GPATCH2L: variants seen among roughly 807,000 people sequenced by gnomAD.
GPATCH2L encodes G patch domain-containing protein 2-like.
In GPATCH2L, 31 loss-of-function variants were observed where a neutral mutation model predicts 57.4. The observed-to-expected ratio is 0.54, with a 90% CI of 0.41 to 0.73. The LOEUF (loss-of-function observed/expected upper bound fraction) is 0.73. GPATCH2L is among the 30% of genes least tolerant of loss of function. The pLI is 0.00. For synonymous variants in GPATCH2L, 199 were observed against 210.7 expected, an observed-to-expected ratio of 0.94 and a Z score of 0.48; for missense variants, 481 against 599.9, an observed-to-expected ratio of 0.80 and a Z score of 2.07.
At chr14:76,194,768 T>C (rs1199991441) in intron 8 of GPATCH2L, among the ~76,000 whole-genome samples, 1 of 152,178 alleles carries the variant, frequency 6.6e-6, no homozygotes, top group East Asian at 1.9e-4. Context: ...TGGTAAAATG[T>C]ACATAATATA....
intron 4 of GPATCH2L, 85 bp from the exon 5 acceptor site, chr14:76,173,461 G>A (rs1460646104): frequency 1.8e-5 from 14 of 775,232 alleles, no homozygotes; most frequent in Non-Finnish European, 3.0e-5. Flanking sequence ...AAGATCCTGG[G>A]GGTAAAGCCT....
chr14:76,224,979 G>T (rs1478125784), intron 1 of GPATCH2L, among the ~76,000 whole-genome samples: 1 of 152,038 alleles, frequency 6.6e-6, no homozygotes, highest in East Asian at 1.9e-4. Flanking sequence ...AAATAAAGAA[G>T]GTCTAAATAA....
chr14:76,196,072 G>A, intron 9 of GPATCH2L, 100 bp downstream of exon 9: 1 of 918,222 alleles, frequency 1.1e-6, no homozygotes, highest in Non-Finnish European at 1.8e-6. Context: ...TGATAGTGTA[G>A]GTCATTTTAT....
At chr14:76,166,545 A>G (rs2038847712) in intron 2 of GPATCH2L, 118 bp from the exon 3 acceptor site, 2 of 605,826 alleles carry the variant, frequency 3.3e-6, no homozygotes, top group African/African-American at 1.8e-5. Flanking sequence ...AAATTTACAT[A>G]TCTGATTGAC....
intron 7 of GPATCH2L, among the ~76,000 whole-genome samples, chr14:76,180,261 C>G (rs1195603513): frequency 2.6e-5 from 4 of 152,068 alleles, no homozygotes; most frequent in Non-Finnish European, 5.9e-5. Flanking sequence ...ATTTTTAACA[C>G]CCAGTATCTC....
chr14:76,198,373 C>T (rs565689677), intron 9 of GPATCH2L, among the ~76,000 whole-genome samples: 1 of 152,146 alleles, frequency 6.6e-6, no homozygotes, highest in Non-Finnish European at 1.5e-5. Context: ...TTATCTTCTC[C>T]AAAATTTGAG....
Position 76,155,978 on chromosome 14 carries a change from G to A in GPATCH2L, c.662+953G>A, listed in dbSNP as rs559316504. Among the ~76,000 whole-genome samples the A allele has an allele frequency of 2.6e-5, 4 of 152,246 alleles. No individual in the cohort carries two copies. In the East Asian group the frequency reaches 5.8e-4, roughly 22 times the overall value. ...ATTCTATTATTGTTAATATTAGTTGGCATTTATTAAGCACTCAACTATGGG... is the reference window on the plus strand; with the variant it reads ...ATTCTATTATTGTTAATATTAGTTGACATTTATTAAGCACTCAACTATGGG... On this transcript the variant is annotated intron_variant, in intron 2 of 9. Transcript: ENST00000261530.
At chr14:76,167,566 G>A (rs1051664640) in intron 3 of GPATCH2L, among the ~76,000 whole-genome samples, 4 of 152,154 alleles carry the variant, frequency 2.6e-5, no homozygotes, top group Admixed American at 6.5e-5. Context: ...GTGAGACTTA[G>A]CATCCAAGTC....
intron 1 of GPATCH2L, among the ~76,000 whole-genome samples, chr14:76,227,422 AG>A (rs1389461598): frequency 6.6e-6 from 1 of 152,252 alleles, no homozygotes; most frequent in East Asian, 1.9e-4. Flanking sequence ...ACCAGAGTCC[AG>A]GGGGGAGGGA....
At position 76,195,922 on chromosome 14, in the gene GPATCH2L, A is replaced by G; in HGVS notation, c.1238A>G (p.Lys413Arg). ...GGACCACCATGTTCACGTGACATCA[A>G]GAGGAAGCGGAAACCAGTGGCCACA... ...HWGPPCSRDI[K>R]RKRKPVATAS... The change falls in exon 9 of 10, where the codon AAG becomes AGG. Residue 413 changes from lysine (K) to arginine (R), a missense_variant. By Grantham distance (26) the Lys-to-Arg change is conservative (BLOSUM62 2). Coordinates refer to ENST00000261530, the MANE Select transcript of GPATCH2L (RefSeq NM_017926.4). The G allele has an allele frequency of 6.2e-7, 1 of 1,613,900 alleles. No individual in the cohort carries two copies. Among genetic ancestry groups the G allele is most frequent in the East Asian group, 2.2e-5 (1 of 44,882 alleles).
chr14:76,217,802 A>G (rs2040496315), downstream of GPATCH2L, among the ~76,000 whole-genome samples: 1 of 152,212 alleles, frequency 6.6e-6, no homozygotes, highest in Admixed American at 6.5e-5. Flanking sequence ...CAAACGTGAA[A>G]AGATGCTCAA....
intron 8 of GPATCH2L, among the ~76,000 whole-genome samples, chr14:76,190,323 C>G (rs1900124): frequency 0.79 from 119,775 of 152,016 alleles, 47,781 homozygotes; most frequent in South Asian, 0.88. Context: ...CTTGTAATAA[C>G]AATTTAATGA....
At chr14:76,182,689 T>A (rs2039621873) in intron 8 of GPATCH2L, among the ~76,000 whole-genome samples, 1 of 152,126 alleles carries the variant, frequency 6.6e-6, no homozygotes, top group Admixed American at 6.5e-5. Context: ...TTATTCATCA[T>A]TAATTCATTC....
intron 1 of GPATCH2L, among the ~76,000 whole-genome samples, chr14:76,229,040 G>T (rs1445277158): frequency 6.6e-6 from 1 of 152,202 alleles, no homozygotes; most frequent in Non-Finnish European, 1.5e-5. Flanking sequence ...TCTGTCTCCT[G>T]ACAGAGGCAC....
intron 8 of GPATCH2L, among the ~76,000 whole-genome samples, chr14:76,183,775 G>C (rs548537602): frequency 2.0e-3 from 301 of 152,298 alleles, no homozygotes; most frequent in Non-Finnish European, 3.9e-3. Flanking sequence ...CTCCAGTGTG[G>C]CAGACTGATG....
At chr14:76,167,676 C>T (rs928440442) in intron 3 of GPATCH2L, among the ~76,000 whole-genome samples, 5 of 152,130 alleles carry the variant, frequency 3.3e-5, no homozygotes, top group African/African-American at 1.2e-4. Flanking sequence ...GAGCTTCCTA[C>T]TGTAATGGAG....
rs1292336858 is a variant in GPATCH2L at position 76,209,989 on chromosome 14, C to G, written c.*8138C>G. 1 of 152,198 alleles carries G rather than the reference C, an allele frequency of 6.6e-6. No individual in the cohort carries two copies. The highest frequency in any genetic ancestry group is 2.4e-5 in the African/African-American group (1 of 41,440). The allele number at this position is 152,198 out of a possible 1,614,324, so 9.4% of individuals were successfully genotyped here. A position where few individuals can be genotyped will look rare whatever the true frequency, so the allele number is the denominator to read the frequency against. ...TAACAAAGGTCCACCAGAACCATTG[C>G]CCCAGTCACTGATTGAACAAACATT... On this transcript the variant is annotated 3_prime_UTR_variant, in exon 10 of 10. Transcript: ENST00000261530.
chr14:76,165,089 T>G (rs1199824250), intron 2 of GPATCH2L, among the ~76,000 whole-genome samples: 1 of 152,224 alleles, frequency 6.6e-6, no homozygotes, highest in East Asian at 1.9e-4. Context: ...GTTGTTTCAG[T>G]TGGATGTGGT....
Position 76,202,397 on chromosome 14 carries a change from C to T in GPATCH2L, c.*546C>T, listed in dbSNP as rs904170797. The T allele has an allele frequency of 6.6e-6, 1 of 152,636 alleles. No homozygotes were observed. Among genetic ancestry groups the T allele is most frequent in the African/African-American group, 2.4e-5 (1 of 41,438 alleles). The allele number at this position is 152,636 out of a possible 1,614,324, so 9.5% of individuals were successfully genotyped here. A position where few individuals can be genotyped will look rare whatever the true frequency, so the allele number is the denominator to read the frequency against. On this transcript the variant is annotated 3_prime_UTR_variant, in exon 10 of 10. Transcript: ENST00000261530. Reference sequence around the variant, plus strand: ...CCAAGTTTTGGGGCCTCAAAAGAGACACCAGCAACTGGGCCTTGAGAACTT... The same window carrying T: ...CCAAGTTTTGGGGCCTCAAAAGAGATACCAGCAACTGGGCCTTGAGAACTT...
Sources: allele counts gnomAD v4.1 joint callset (sites outside exome capture counted in the v4.1 genomes callset), GRCh38; gene constraint gnomAD v4.1.1; transcripts MANE v1.5; gene names NCBI Gene and HGNC (gene_info 2026-07-23, HGNC 2026-07-21).